The following MRPS9 variants were observed in gnomAD, a reference collection of about 807,000 sequenced individuals.
MRPS9 encodes small ribosomal subunit protein uS9m.
MRPS9 carries 45 observed loss-of-function variants against 59.9 expected under a neutral mutation model. That is an observed-to-expected ratio of 0.75 (90% CI 0.59 to 0.96). MRPS9 has a LOEUF of 0.96. MRPS9 is among the 40% of genes least tolerant of loss of function. The pLI, the probability that MRPS9 is intolerant of heterozygous loss-of-function variation, is 0.00. For synonymous variants in MRPS9, 171 were observed against 166.8 expected, an observed-to-expected ratio of 1.03 and a Z score of -0.19; for missense variants, 473 against 481.1, an observed-to-expected ratio of 0.98 and a Z score of 0.16.
chr2:105,093,966 C>T (rs1049089265), intron 9 of MRPS9, among the ~76,000 whole-genome samples: 2 of 152,112 alleles, frequency 1.3e-5, no homozygotes, highest in Non-Finnish European at 2.9e-5. Flanking sequence ...AGATTTCCAC[C>T]TTCTAGTTTG....
intron 5 of MRPS9, among the ~76,000 whole-genome samples, chr2:105,084,315 C>T (rs1400770676): frequency 1.4e-5 from 2 of 148,044 alleles, no homozygotes. Context: ...TGAGAGAAAA[C>T]CAGGTAATTC....
intron 5 of MRPS9, among the ~76,000 whole-genome samples, chr2:105,081,551 C>G (rs1680347999): frequency 6.6e-6 from 1 of 152,178 alleles, no homozygotes; most frequent in Non-Finnish European, 1.5e-5. Context: ...TGAAACCGAG[C>G]AACCCAAGGG....
chr2:105,089,036 C>G lies in MRPS9; in HGVS notation c.542C>G (p.Ala181Gly). The G allele has an allele frequency of 3.7e-6, 6 of 1,611,352 alleles. No individual in the cohort carries two copies. Among genetic ancestry groups the G allele is most frequent in the Non-Finnish European group, 5.1e-6 (6 of 1,178,366 alleles). Residue 181 changes from alanine to glycine, a missense_variant, in exon 6 of 11, where the codon GCC (alanine) becomes GGC (glycine). Physicochemically the swap from Ala to Gly is moderately conservative, Grantham distance 60. Coordinates refer to ENST00000258455, the MANE Select transcript of MRPS9 (RefSeq NM_182640.3). ...GAAAAACATCAAAGTCACTTGCAAGCCAAAAGTCTGCTCCCAGAAAAAACT... is the reference window on the plus strand; with the variant it reads ...GAAAAACATCAAAGTCACTTGCAAGGCAAAAGTCTGCTCCCAGAAAAAACT... ...NLEKHQSHLQAKSLLPEKTVT... is the reference protein window; with the variant it reads ...NLEKHQSHLQGKSLLPEKTVT...
At chr2:105,045,442 C>T (rs1414669791) in intron 1 of MRPS9, among the ~76,000 whole-genome samples, 8 of 149,866 alleles carry the variant, frequency 5.3e-5, no homozygotes. Flanking sequence ...AGCTGTTAAA[C>T]CCCATGTAAC....
At chr2:105,067,366 C>G (rs1680020470) in intron 2 of MRPS9, among the ~76,000 whole-genome samples, 1 of 152,116 alleles carries the variant, frequency 6.6e-6, no homozygotes, top group Non-Finnish European at 1.5e-5. Flanking sequence ...ATAAAGGATA[C>G]TGCTTAGGTG....
chr2:105,085,820 A>G (rs55878719), intron 5 of MRPS9, among the ~76,000 whole-genome samples: 32,844 of 152,042 alleles, frequency 0.22, 3,616 homozygotes, highest in Middle Eastern at 0.35. Context: ...AGTGTAGGTG[A>G]GTCATACTAA....
chr2:105,096,543 G>C (rs1324892690), intron 9 of MRPS9, among the ~76,000 whole-genome samples: 1 of 152,116 alleles, frequency 6.6e-6, no homozygotes, highest in Non-Finnish European at 1.5e-5. Context: ...GCCTGACAGG[G>C]GTTGTGTAGA....
intron 2 of MRPS9, among the ~76,000 whole-genome samples, chr2:105,062,720 G>T (rs1192420463): frequency 6.6e-6 from 1 of 152,180 alleles, no homozygotes; most frequent in East Asian, 1.9e-4. Context: ...TAAATAAAAT[G>T]GAATTGATAG....
Position 105,038,372 on chromosome 2 carries a change from G to T in MRPS9, c.135+145G>T, listed in dbSNP as rs3739159. The T allele has an allele frequency of 0.46, 493,682 of 1,072,000 alleles. 116,178 individuals are homozygous for T. Among genetic ancestry groups the T allele is most frequent in the East Asian group, 0.7 (26,809 of 38,168 alleles). The allele number at this position is 1,072,000 out of a possible 1,614,324, so 66.4% of individuals were successfully genotyped here. A position where few individuals can be genotyped will look rare whatever the true frequency, so the allele number is the denominator to read the frequency against. ...TTTAGTGGAGGTCTGAGGTTGGGGG[G>T]GAGGAGGTGGGTATTGGCGTGCAGT... On this transcript the variant is annotated intron_variant, in intron 1 of 10. Transcript: ENST00000258455.
intron 2 of MRPS9, among the ~76,000 whole-genome samples, chr2:105,053,014 G>C (rs1159993322): frequency 6.6e-6 from 1 of 152,144 alleles, no homozygotes; most frequent in African/African-American, 2.4e-5. Context: ...CTCTGACCTT[G>C]GCCTCCCAAA....
At chr2:105,050,189 G>A (rs1372236379) in intron 2 of MRPS9, among the ~76,000 whole-genome samples, 1 of 151,570 alleles carries the variant, frequency 6.6e-6, no homozygotes, top group East Asian at 1.9e-4. Context: ...GCCCAGGCTA[G>A]AGTGCAGTGG....
At chr2:105,088,930 T>A (rs1680503188) in intron 5 of MRPS9, 54 bp from the exon 6 acceptor site, 18 of 1,232,652 alleles carry the variant, frequency 1.5e-5, no homozygotes, top group Middle Eastern at 2.0e-4. Flanking sequence ...TCAGAAGTTA[T>A]AATGTACCAT....
At chr2:105,075,067 G>C (rs933546865) in intron 4 of MRPS9, among the ~76,000 whole-genome samples, 1 of 152,208 alleles carries the variant, frequency 6.6e-6, no homozygotes, top group Non-Finnish European at 1.5e-5. Context: ...GACAGTGACA[G>C]ATCGTCAGGC....
At chr2:105,057,589 G>T (rs73945020) in intron 2 of MRPS9, among the ~76,000 whole-genome samples, 33,459 of 151,952 alleles carry the variant, frequency 0.22, 3,717 homozygotes, top group Middle Eastern at 0.35. Flanking sequence ...GCTAGGTGAG[G>T]AGTGCAGCAA....
intron 5 of MRPS9, among the ~76,000 whole-genome samples, chr2:105,083,889 A>G (rs974363293): frequency 6.6e-6 from 1 of 152,178 alleles, no homozygotes; most frequent in Non-Finnish European, 1.5e-5. Flanking sequence ...TGTCCCATGA[A>G]ACCAGTGCTT....
chr2:105,077,367 A>G (rs561411097), intron 4 of MRPS9, among the ~76,000 whole-genome samples: 39 of 152,348 alleles, frequency 2.6e-4, no homozygotes, highest in Non-Finnish European at 3.8e-4. Context: ...AAAAGTCTAA[A>G]TGTTCATCAT....
At chr2:105,058,944 CT>C (rs942107156) in intron 2 of MRPS9, among the ~76,000 whole-genome samples, 1 of 152,072 alleles carries the variant, frequency 6.6e-6, no homozygotes, top group African/African-American at 2.4e-5. Context: ...TCCCAAAGTG[CT>C]GGGATTACAG....
chr2:105,081,997 GA>G (rs1174683859), intron 5 of MRPS9, among the ~76,000 whole-genome samples: 1 of 152,176 alleles, frequency 6.6e-6, no homozygotes, highest in Admixed American at 6.5e-5. Flanking sequence ...TCACCCTACA[GA>G]AGCGTTTTTG....
intron 2 of MRPS9, among the ~76,000 whole-genome samples, chr2:105,069,727 G>A (rs1231589015): frequency 6.6e-6 from 1 of 151,954 alleles, no homozygotes; most frequent in Non-Finnish European, 1.5e-5. Flanking sequence ...GCAATCAGTT[G>A]CAGTATCATT....
Sources: gnomAD v4.1 joint callset for allele counts (sites outside exome capture counted in the v4.1 genomes callset) on GRCh38, gnomAD v4.1.1 for gene constraint, MANE v1.5 for transcripts, NCBI Gene and HGNC (gene_info 2026-07-23, HGNC 2026-07-21) for gene names.